CT45A1: variants seen among roughly 807,000 people sequenced by gnomAD.
CT45A1 encodes the protein cancer/testis antigen family 45 member A1.
chrX:135,712,335 G>T (rs868981668), upstream of CT45A1, among the ~76,000 whole-genome samples: 141 of 106,468 alleles, frequency 1.3e-3, 3 homozygotes, highest in African/African-American at 4.6e-3. Flanking sequence ...GCTAATTTTT[G>T]TATCTTGTGT....
upstream of CT45A1, among the ~76,000 whole-genome samples, chrX:135,710,776 C>T (rs2087929700): frequency 2.7e-5 from 3 of 112,524 alleles, no homozygotes; most frequent in South Asian, 1.1e-3. Flanking sequence ...GCTGAGGATA[C>T]CCTTTGCTGA....
At chrX:135,717,221 A>G (rs782326133) in intron 1 of CT45A1, among the ~76,000 whole-genome samples, 2 of 111,713 alleles carry the variant, frequency 1.8e-5, no homozygotes, top group African/African-American at 6.5e-5. Flanking sequence ...ATTCTGAGAG[A>G]CTTGACAATA....
chrX:135,713,764 T>C (rs1196581811), intron 1 of CT45A1, 74 bp downstream of exon 1: 2 of 665,698 alleles, frequency 3.0e-6, no homozygotes, highest in Non-Finnish European at 3.6e-6. Flanking sequence ...AGTGTCCTTT[T>C]TCCTCAGAAA....
chrX:135,713,040 C>T (rs1175415021), upstream of CT45A1, among the ~76,000 whole-genome samples: 2 of 69,512 alleles, frequency 2.9e-5, no homozygotes, highest in African/African-American at 5.4e-5. Flanking sequence ...TTTCTTTCTT[C>T]TTTCCTTTTT....
chrX:135,715,071 C>T (rs1346924968), intron 1 of CT45A1, among the ~76,000 whole-genome samples: 29 of 104,393 alleles, frequency 2.8e-4, no homozygotes, highest in Non-Finnish European at 4.3e-4. Context: ...ATCTTTTTTG[C>T]TTTTACACGA....
intron 1 of CT45A1, among the ~76,000 whole-genome samples, chrX:135,714,377 C>G (rs1216326787): frequency 3.7e-5 from 4 of 109,246 alleles, no homozygotes; most frequent in Non-Finnish European, 7.6e-5. Context: ...GGGTGCTGTT[C>G]CTTGGATTCT....
At chrX:135,716,923 G>T (rs2087992283) in intron 1 of CT45A1, among the ~76,000 whole-genome samples, 2 of 111,590 alleles carry the variant, frequency 1.8e-5, no homozygotes, top group Non-Finnish European at 3.8e-5. Flanking sequence ...TGTATTTCCA[G>T]ATTGTTTCTG....
chrX:135,715,949 G>C (rs1388606157), intron 1 of CT45A1, among the ~76,000 whole-genome samples: 1 of 107,486 alleles, frequency 9.3e-6, no homozygotes, highest in Admixed American at 1.0e-4. Context: ...AGAACATGTG[G>C]TGTTTGGTTT....
At chrX:135,713,214 G>A (rs782367191), upstream of CT45A1, among the ~76,000 whole-genome samples, 1,240 of 95,235 alleles carry the variant, frequency 0.013, 12 homozygotes, top group Middle Eastern at 0.045. Flanking sequence ...ATTTTTGTGT[G>A]TGTTTTTTTT....
chrX:135,717,527 C>A (rs782698139), intron 1 of CT45A1, among the ~76,000 whole-genome samples: 2 of 106,512 alleles, frequency 1.9e-5, no homozygotes, highest in South Asian at 8.3e-4. Context: ...CCAGCCTGGG[C>A]GACAGAGGGA....
At chrX:135,713,023 T>C (rs1426812889), upstream of CT45A1, among the ~76,000 whole-genome samples, 21 of 85,033 alleles carry the variant, frequency 2.5e-4, no homozygotes, top group African/African-American at 6.8e-4. Flanking sequence ...CTTTCTTTCT[T>C]TCTTTCTTTC....
chrX:135,712,965 C>A (rs1402203848), upstream of CT45A1, among the ~76,000 whole-genome samples: 1 of 65,413 alleles, frequency 1.5e-5, no homozygotes, highest in Non-Finnish European at 2.9e-5. Context: ...TTCTTTCTTT[C>A]TTTCTTTCTT....
chrX:135,713,517 A>G, upstream of CT45A1: 9 of 737,601 alleles, frequency 1.2e-5, no homozygotes, highest in Non-Finnish European at 1.4e-5. Flanking sequence ...CTTTGGACCA[A>G]ACGGGATCGG....
upstream of CT45A1, among the ~76,000 whole-genome samples, chrX:135,713,156 A>G (rs1310701225): frequency 3.1e-5 from 3 of 96,335 alleles, no homozygotes; most frequent in African/African-American, 7.7e-5. Context: ...TCCCACCTCA[A>G]CTTCCCGAGT....
At chrX:135,715,446 C>A (rs2087977211) in intron 1 of CT45A1, among the ~76,000 whole-genome samples, 1 of 76,628 alleles carries the variant, frequency 1.3e-5, no homozygotes, top group Non-Finnish European at 2.3e-5. Flanking sequence ...ATATATAATA[C>A]TTATATATAT....
At position 135,718,597 on chromosome X, in the gene CT45A1, T is replaced by C. The variant is rs1673961; in HGVS notation, c.-6-338T>C. Among the ~76,000 whole-genome samples the C allele has an allele frequency of 4.5e-3, 498 of 110,717 alleles. 3 individuals are homozygous for C. The highest frequency in any genetic ancestry group is 0.014 in the African/African-American group (421 of 30,578). ...GTTAATACAGATTGGTTTATACAGC[T>C]ATTTTTCCTAATAAGGGTTAATACA... On this transcript the variant is annotated intron_variant, in intron 1 of 4. Coordinates refer to ENST00000594565, the MANE Select transcript of CT45A1 (RefSeq NM_001017417.3).
chrX:135,708,660 C>T (rs1296329357), upstream of CT45A1, among the ~76,000 whole-genome samples: 4 of 111,250 alleles, frequency 3.6e-5, no homozygotes, highest in Non-Finnish European at 7.5e-5. Flanking sequence ...TATTATGCAA[C>T]TCGCTTCGTG....
At chrX:135,717,490 A>G (rs1556572010) in intron 1 of CT45A1, among the ~76,000 whole-genome samples, 1 of 110,871 alleles carries the variant, frequency 9.0e-6, no homozygotes, top group African/African-American at 3.3e-5. Flanking sequence ...TGGAGGTTGC[A>G]GTGAGCAGAG....
intron 1 of CT45A1, among the ~76,000 whole-genome samples, chrX:135,718,210 G>A (rs1444635047): frequency 9.0e-6 from 1 of 111,384 alleles, no homozygotes; most frequent in African/African-American, 3.3e-5. Context: ...TACATTTATC[G>A]ATTATCAAAT....
Sources: gnomAD v4.1 joint callset for allele counts (sites outside exome capture counted in the v4.1 genomes callset) on GRCh38, gnomAD v4.1.1 for gene constraint, MANE v1.5 for transcripts, NCBI Gene and HGNC (gene_info 2026-07-23, HGNC 2026-07-21) for gene names.